The following ROBO2 variants were observed in gnomAD, a reference collection of about 807,000 sequenced individuals.
ROBO2 encodes roundabout guidance receptor 2.
In ROBO2, 53 loss-of-function variants were observed where a neutral mutation model predicts 160.8. That is an observed-to-expected ratio of 0.33 (90% confidence interval 0.26 to 0.41). The LOEUF (loss-of-function observed/expected upper bound fraction) is 0.41. Among genes scored for constraint, ROBO2 ranks in the 10% least tolerant of loss-of-function variants. The probability of loss-of-function intolerance (pLI) is 1.00; values close to 1 mark genes in which losing one functional copy is unlikely to be tolerated. For missense variants in ROBO2, 1,577 were observed against 1,722.4 expected, an observed-to-expected ratio of 0.92 and a Z score of 1.49; for synonymous variants, 664 against 611.7, an observed-to-expected ratio of 1.09 and a Z score of -1.26.
At chr3:76,117,965 A>T (rs2070549435) in intron 2 of ROBO2, among the ~76,000 whole-genome samples, 1 of 152,024 alleles carries the variant, frequency 6.6e-6, no homozygotes. Context: ...TAGATACAGG[A>T]AGGGGAACAT....
chr3:76,023,486 A>AT (rs1481530847), intron 2 of ROBO2, among the ~76,000 whole-genome samples: 2 of 151,622 alleles, frequency 1.3e-5, no homozygotes, highest in Non-Finnish European at 3.0e-5. Flanking sequence ...GTCTCAGCGA[A>AT]TAGTGAGGCT....
chr3:76,438,828 A>C (rs1577192319), intron 2 of ROBO2, among the ~76,000 whole-genome samples: 1 of 152,038 alleles, frequency 6.6e-6, no homozygotes, highest in Non-Finnish European at 1.5e-5. Flanking sequence ...GAATAAAGAA[A>C]ATTTAGAATC....
chr3:77,316,093 G>A (rs2063958813), intron 2 of ROBO2, among the ~76,000 whole-genome samples: 1 of 152,146 alleles, frequency 6.6e-6, no homozygotes, highest in South Asian at 2.1e-4. Context: ...CAATCACGCA[G>A]ACTCTTCCAA....
chr3:77,155,489 C>T (rs899114315), intron 2 of ROBO2, among the ~76,000 whole-genome samples: 15 of 151,942 alleles, frequency 9.9e-5, no homozygotes, highest in African/African-American at 3.1e-4. Context: ...CTGGAAAAGG[C>T]GAGGGAACAG....
At chr3:76,661,636 G>A (rs191733388) in intron 2 of ROBO2, among the ~76,000 whole-genome samples, 1 of 152,272 alleles carries the variant, frequency 6.6e-6, no homozygotes, top group Non-Finnish European at 1.5e-5. Context: ...TTGGTTGAGA[G>A]AGTTGTTTCG....
At chr3:76,943,484 A>C (rs1029490428) in intron 2 of ROBO2, among the ~76,000 whole-genome samples, 2 of 152,238 alleles carry the variant, frequency 1.3e-5, no homozygotes, top group African/African-American at 4.8e-5. Context: ...TCTTTGAAGA[A>C]GGCAGAAAAA....
At chr3:76,038,357 G>A (rs1576590174) in intron 2 of ROBO2, among the ~76,000 whole-genome samples, 1 of 151,914 alleles carries the variant, frequency 6.6e-6, no homozygotes, top group Non-Finnish European at 1.5e-5. Flanking sequence ...TTAAAATTAA[G>A]TAGGAAAGTA....
chr3:77,013,978 A>T (rs1368283170), intron 2 of ROBO2, among the ~76,000 whole-genome samples: 1 of 152,212 alleles, frequency 6.6e-6, no homozygotes, highest in Non-Finnish European at 1.5e-5. Flanking sequence ...TGGTATAAAC[A>T]TATAGTCAAC....
At chr3:77,011,103 C>CTTCT (rs1416185784) in intron 2 of ROBO2, among the ~76,000 whole-genome samples, 1 of 63,226 alleles carries the variant, frequency 1.6e-5, no homozygotes, top group Non-Finnish European at 3.5e-5. Flanking sequence ...TTCTATCTTT[C>CTTCT]TTCTTTCTTT....
At chr3:77,445,665 T>G (rs2153557825) in intron 2 of ROBO2, among the ~76,000 whole-genome samples, 1 of 152,182 alleles carries the variant, frequency 6.6e-6, no homozygotes, top group South Asian at 2.1e-4. Flanking sequence ...TAGCCTTAAC[T>G]TGATAACTAT....
intron 1 of ROBO2, among the ~76,000 whole-genome samples, chr3:75,928,374 C>G (rs1177743202): frequency 6.6e-6 from 1 of 152,224 alleles, no homozygotes; most frequent in Non-Finnish European, 1.5e-5. Context: ...ATCCATAGTG[C>G]AGACATTATG....
chr3:77,137,556 T>C (rs541834929), intron 2 of ROBO2, among the ~76,000 whole-genome samples: 30 of 152,360 alleles, frequency 2.0e-4, no homozygotes, highest in Non-Finnish European at 3.8e-4. Context: ...ACATTTAATT[T>C]GTCTTTAATT....
chr3:76,721,695 C>T (rs2107722968), intron 2 of ROBO2, among the ~76,000 whole-genome samples: 1 of 152,284 alleles, frequency 6.6e-6, no homozygotes, highest in South Asian at 2.1e-4. Flanking sequence ...GGTTTATCAT[C>T]CCTAAAAATG....
chr3:76,343,045 A>G (rs1269348413), intron 2 of ROBO2, among the ~76,000 whole-genome samples: 2 of 152,114 alleles, frequency 1.3e-5, no homozygotes, highest in Non-Finnish European at 2.9e-5. Flanking sequence ...TTCCAAAGAC[A>G]AGAACACATA....
chr3:76,887,732 C>G (rs1011275294), intron 2 of ROBO2, among the ~76,000 whole-genome samples: 1 of 152,146 alleles, frequency 6.6e-6, no homozygotes, highest in Non-Finnish European at 1.5e-5. Context: ...TAAATGTGCA[C>G]TTTCTATGGT....
intron 2 of ROBO2, among the ~76,000 whole-genome samples, chr3:76,307,363 C>T (rs759233721): frequency 4.6e-5 from 7 of 152,230 alleles, no homozygotes; most frequent in African/African-American, 1.7e-4. Flanking sequence ...AGTACTCCTT[C>T]TCTGCAGTCT....
At chr3:76,744,846 G>T (rs147504638) in intron 2 of ROBO2, among the ~76,000 whole-genome samples, 2 of 152,138 alleles carry the variant, frequency 1.3e-5, no homozygotes, top group African/African-American at 4.8e-5. Flanking sequence ...AGCTTGAAAA[G>T]AATTTGTGCT....
chr3:77,537,581 A>C (rs1412787105), intron 6 of ROBO2, among the ~76,000 whole-genome samples: 1 of 152,032 alleles, frequency 6.6e-6, no homozygotes, highest in Non-Finnish European at 1.5e-5. Context: ...TTTCCTTTTC[A>C]TTTTGACATT....
At chr3:76,132,400 G>T (rs865879702) in intron 2 of ROBO2, among the ~76,000 whole-genome samples, 3 of 132,890 alleles carry the variant, frequency 2.3e-5, no homozygotes, top group East Asian at 2.3e-4. Flanking sequence ...CTGTTGGGGG[G>T]GGGGGGGGAC....
Sources: allele counts gnomAD v4.1 joint callset (sites outside exome capture counted in the v4.1 genomes callset), GRCh38; gene constraint gnomAD v4.1.1; transcripts MANE v1.5; gene names NCBI Gene and HGNC (gene_info 2026-07-23, HGNC 2026-07-21).